Variants in MYO16 observed in about 807,000 individuals in gnomAD.
The protein encoded by MYO16 is myosin XVI.
MYO16 carries 94 observed loss-of-function variants against 205.3 expected under a neutral mutation model. That is an observed-to-expected ratio of 0.46 (90% CI 0.39 to 0.54). The LOEUF (loss-of-function observed/expected upper bound fraction) is 0.54. MYO16 is among the 20% of genes least tolerant of loss of function. MYO16 has a pLI of 0.00. For synonymous variants in MYO16, 988 were observed against 954.0 expected (o/e 1.04, Z -0.66); for missense variants, 2,315 against 2,387.5 (o/e 0.97, Z 0.63).
At chr13:109,036,703 C>T (rs965454315) in intron 23 of MYO16, among the ~76,000 whole-genome samples, 4 of 152,110 alleles carry the variant, frequency 2.6e-5, no homozygotes, top group African/African-American at 7.2e-5. Context: ...CATATTGAGT[C>T]GCATGAATAT....
the MYO16 span, among the ~76,000 whole-genome samples, chr13:108,519,616 A>G: frequency 2.2e-5 from 3 of 136,220 alleles, no homozygotes; most frequent in South Asian, 6.9e-4. Context: ...AAAATAAACA[A>G]TATGCAAAAT....
chr13:108,849,326 G>A (rs1302355622), intron 10 of MYO16, among the ~76,000 whole-genome samples: 2 of 152,044 alleles, frequency 1.3e-5, no homozygotes, highest in Non-Finnish European at 2.9e-5. Context: ...AAGTAGCTGG[G>A]ATTATAGGTG....
rs745727119 is a variant in MYO16, at chr13:109,140,545, G to T, written c.4333G>T (p.Asp1445Tyr). Residue 1445 changes from aspartate (D) to tyrosine (Y), a missense_variant, in exon 32 of 35, where the codon GAT becomes TAT. Transcript: ENST00000457511. This position sits in a 1 kb window ranked among gnomAD's most constrained non-coding sequence, Gnocchi z 8.0. ...GATGCTGGGGCACGCGGCCAGGCCC[G>T]ATAGCCCGGACCCCGGGGAGTCCGT... ...IEMLGHAARP[D>Y]SPDPGESVYE... is the part of the protein sequence containing the mutation. The T allele has an allele frequency of 3.8e-5, 59 of 1,546,106 alleles. No homozygotes were observed. Among genetic ancestry groups the T allele is most frequent in the Non-Finnish European group, 4.9e-5 (57 of 1,153,782 alleles).
At chr13:108,911,066 C>CACACACAG (rs59417999) in intron 16 of MYO16, among the ~76,000 whole-genome samples, 5,663 of 142,908 alleles carry the variant, frequency 0.04, 195 homozygotes, top group East Asian at 0.14. Context: ...CACACACACA[C>CACACACAG]AGAGAGAGAG....
At chr13:108,843,827 C>G (rs1877373467) in intron 9 of MYO16, among the ~76,000 whole-genome samples, 1 of 152,014 alleles carries the variant, frequency 6.6e-6, no homozygotes, top group African/African-American at 2.4e-5. Context: ...AAAAGTTACT[C>G]TGCTTGTAAT....
chr13:109,083,108 C>T (rs926632921), intron 27 of MYO16, among the ~76,000 whole-genome samples: 2 of 151,910 alleles, frequency 1.3e-5, no homozygotes. Context: ...GCAGATCGGG[C>T]GAGGTAGCTC....
chr13:108,994,792 G>A (rs982319090), intron 21 of MYO16, among the ~76,000 whole-genome samples: 4 of 152,166 alleles, frequency 2.6e-5, no homozygotes, highest in African/African-American at 9.7e-5. Flanking sequence ...TTCAATTGAA[G>A]TTTAAAGAAG....
At chr13:109,087,942 C>T (rs75338249) in intron 27 of MYO16, among the ~76,000 whole-genome samples, 2,658 of 152,270 alleles carry the variant, frequency 0.017, 74 homozygotes, top group African/African-American at 0.061. Flanking sequence ...TTTAACGAAA[C>T]AAGCTGTTCT....
chr13:108,910,592 GA>G (rs1280069125), intron 16 of MYO16, among the ~76,000 whole-genome samples: 1 of 152,220 alleles, frequency 6.6e-6, no homozygotes, highest in Non-Finnish European at 1.5e-5. Flanking sequence ...AATGGAGGCA[GA>G]AAGCACTTGT....
chr13:109,078,271 A>G (rs1379637531), intron 27 of MYO16, among the ~76,000 whole-genome samples: 3 of 65,466 alleles, frequency 4.6e-5, no homozygotes, highest in African/African-American at 1.6e-4. Flanking sequence ...TACTAAAAAT[A>G]CAAAAAAAAA....
chr13:108,519,184 A>G, the MYO16 span, among the ~76,000 whole-genome samples: 1 of 152,212 alleles, frequency 6.6e-6, no homozygotes, highest in Non-Finnish European at 1.5e-5. Flanking sequence ...AGAAGTCCAA[A>G]TTTCACACAG....
At chr13:108,688,010 A>C (rs1159367257) in intron 2 of MYO16, among the ~76,000 whole-genome samples, 1 of 152,214 alleles carries the variant, frequency 6.6e-6, no homozygotes, top group Non-Finnish European at 1.5e-5. Flanking sequence ...GAAAAGCTCA[A>C]AGCAAAATAA....
At chr13:108,589,332 T>A in the MYO16 span, among the ~76,000 whole-genome samples, 1 of 152,220 alleles carries the variant, frequency 6.6e-6, no homozygotes, top group African/African-American at 2.4e-5. Context: ...ATTTTCATAT[T>A]ACAATTTAAC....
At chr13:108,583,176 TAAAA>T in the MYO16 span, among the ~76,000 whole-genome samples, 1 of 152,198 alleles carries the variant, frequency 6.6e-6, no homozygotes, top group African/African-American at 2.4e-5. Flanking sequence ...CATTTCTACT[TAAAA>T]AAATCAGCTA....
At chr13:109,026,808 T>A (rs1188514022) in intron 23 of MYO16, among the ~76,000 whole-genome samples, 1 of 152,166 alleles carries the variant, frequency 6.6e-6, no homozygotes, top group Admixed American at 6.6e-5. Context: ...TTGATCTCAT[T>A]TTGCCCTACT....
intron 9 of MYO16, among the ~76,000 whole-genome samples, chr13:108,838,864 A>G (rs1312728221): frequency 1.3e-5 from 2 of 151,828 alleles, no homozygotes; most frequent in Admixed American, 6.6e-5. Flanking sequence ...TGGGAACTCT[A>G]TGAATGATGA....
In MYO16 at chr13:108,763,787, T is replaced by TTGTGTGTG. The variant is rs56115831; in HGVS notation, c.508-21818_508-21811dup. 5.5e-3 allele frequency among the ~76,000 whole-genome samples: 779 copies of TTGTGTGTG among 142,626 alleles called. 8 individuals carry two copies. The highest frequency in any genetic ancestry group is 0.033 in the East Asian group (154 of 4,720). 93.6% of individuals were successfully genotyped at this position (142,626 alleles called of 152,430 possible). A position where few individuals can be genotyped will look rare whatever the true frequency, so the allele number is the denominator to read the frequency against. ...GAACTCAGGGGAGAGAGAAAAGGAG[T>TTGTGTGTG]TGTGTGTGTGTGTGTGTGTGTGTGT... On this transcript the variant is annotated intron_variant, in intron 4 of 34. Coordinates refer to ENST00000457511, the MANE Select transcript of MYO16 (RefSeq NM_001198950.3).
At chr13:108,835,091 T>G (rs72709930) in intron 9 of MYO16, among the ~76,000 whole-genome samples, 1 of 109,528 alleles carries the variant, frequency 9.1e-6, no homozygotes, top group African/African-American at 3.1e-5. Flanking sequence ...ACTTAGAATT[T>G]TTTTTTTCTT....
At chr13:109,157,072 T>C (rs533292659) in intron 32 of MYO16, among the ~76,000 whole-genome samples, 4 of 152,112 alleles carry the variant, frequency 2.6e-5, no homozygotes, top group African/African-American at 9.6e-5. Context: ...GCCCCAGCTG[T>C]GGTCCCCATC....
Sources: allele counts gnomAD v4.1 joint callset (sites outside exome capture counted in the v4.1 genomes callset), GRCh38; gene constraint gnomAD v4.1.1; non-coding constraint Gnocchi (gnomAD v3.1); transcripts MANE v1.5; gene names NCBI Gene and HGNC (gene_info 2026-07-23, HGNC 2026-07-21).